The following ZBTB46 variants were observed in gnomAD, a reference collection of about 807,000 sequenced individuals.
The protein encoded by ZBTB46 is zinc finger and BTB domain-containing protein 46.
ZBTB46 carries 8 observed loss-of-function variants against 44.1 expected under a neutral mutation model. The ratio of observed to expected loss-of-function variants is 0.18; its 90% confidence interval spans 0.11 to 0.33. ZBTB46 has a LOEUF of 0.33. ZBTB46 is among the 10% of genes least tolerant of loss of function. The pLI is 1.00. For synonymous variants in ZBTB46, 409 were observed against 382.3 expected (o/e 1.07, Z -0.81); for missense variants, 651 against 847.7 (o/e 0.77, Z 2.88).
chr20:63,753,206 C>G (rs1050270242), intron 3 of ZBTB46, among the ~76,000 whole-genome samples: 1 of 152,206 alleles, frequency 6.6e-6, no homozygotes, highest in African/African-American at 2.4e-5. Context: ...CTCCTTCCAG[C>G]CCTCAGACCC....
rs2092697864 is a variant in ZBTB46 at position 63,808,654 on chromosome 20, G to A, written c.-33-17864C>T. Among the ~76,000 whole-genome samples the A allele has an allele frequency of 2.6e-5, 4 of 152,268 alleles. No homozygotes were observed. In the South Asian group the frequency reaches 6.2e-4, roughly 24 times the overall value. On this transcript the variant is annotated intron_variant, in intron 1 of 4. Transcript: ENST00000245663. ...GAAGGCCCTCCTCGGTCCAGCGCTC[G>A]GCCAGGACAGGCGCCAAGGCCGCCT...
At chr20:63,765,269 C>A (rs1165021843) in intron 3 of ZBTB46, among the ~76,000 whole-genome samples, 2 of 152,124 alleles carry the variant, frequency 1.3e-5, no homozygotes, top group African/African-American at 4.8e-5. Flanking sequence ...TCTATCTGTA[C>A]ACTGCCGTCC....
At chr20:63,802,019 G>T (rs1247511964) in intron 1 of ZBTB46, among the ~76,000 whole-genome samples, 3 of 152,116 alleles carry the variant, frequency 2.0e-5, no homozygotes, top group Admixed American at 6.6e-5. Flanking sequence ...TTTGTTACGG[G>T]TTGAACCCCC....
chr20:63,761,737 G>A (rs6010644), intron 3 of ZBTB46, among the ~76,000 whole-genome samples: 76,591 of 149,632 alleles, frequency 0.51, 20,506 homozygotes, highest in African/African-American at 0.65. Flanking sequence ...AGCAGACATC[G>A]CACCACTGCA....
chr20:63,797,730 G>C (rs560418645), intron 1 of ZBTB46, among the ~76,000 whole-genome samples: 6 of 152,190 alleles, frequency 3.9e-5, no homozygotes, highest in Non-Finnish European at 7.3e-5. Flanking sequence ...TTGTGGTTTT[G>C]ATTTGCATTT....
chr20:63,819,903 G>A (rs928586515), intron 1 of ZBTB46, among the ~76,000 whole-genome samples: 4 of 152,116 alleles, frequency 2.6e-5, no homozygotes, highest in East Asian at 1.9e-4. Context: ...AAAACACTCC[G>A]AAGTACAGAA....
intron 4 of ZBTB46, among the ~76,000 whole-genome samples, chr20:63,748,880 T>C (rs1040251555): frequency 4.6e-5 from 7 of 152,364 alleles, no homozygotes; most frequent in Admixed American, 2.0e-4. Context: ...ATGTGTGTCA[T>C]GGCGGAAGAC....
chr20:63,824,710 CT>C (rs2092811099), intron 1 of ZBTB46, among the ~76,000 whole-genome samples: 1 of 115,756 alleles, frequency 8.6e-6, no homozygotes, highest in African/African-American at 3.2e-5. Flanking sequence ...CCTCCCCCAT[CT>C]TCCCATCACT....
In ZBTB46 at chr20:63,767,773, G is replaced by A. The variant is rs1431503932; in HGVS notation, c.1222+7905C>T. 3.2e-6 allele frequency: 2 copies of A among 634,166 alleles called. No homozygotes were observed. The highest frequency in any genetic ancestry group is 2.0e-5 in the African/African-American group (1 of 50,422). The allele number at this position is 634,166 out of a possible 1,614,324, so 39.3% of individuals were successfully genotyped here. A position where few individuals can be genotyped will look rare whatever the true frequency, so the allele number is the denominator to read the frequency against. On this transcript the variant is annotated intron_variant, in intron 3 of 4. Coordinates refer to ENST00000245663, the MANE Select transcript of ZBTB46 (RefSeq NM_001369741.1). The surrounding 1 kb of genome is among the most constrained non-coding windows in gnomAD (Gnocchi z 5.0). Reference sequence around the variant, plus strand: ...TGTCAGCGCCCAAGGAGCTCCAGGCGAGGCCAAGCCGTCCTGGCACTGGCT... The same window carrying A: ...TGTCAGCGCCCAAGGAGCTCCAGGCAAGGCCAAGCCGTCCTGGCACTGGCT...
intron 1 of ZBTB46, among the ~76,000 whole-genome samples, chr20:63,811,539 G>A (rs1032602989): frequency 1.1e-4 from 16 of 152,288 alleles, no homozygotes; most frequent in African/African-American, 3.1e-4. Context: ...CATAGGCAAC[G>A]CAGAGAGCAG....
At chr20:63,821,327 T>C (rs1399631020) in intron 1 of ZBTB46, among the ~76,000 whole-genome samples, 2 of 151,378 alleles carry the variant, frequency 1.3e-5, no homozygotes, top group Non-Finnish European at 1.5e-5. Context: ...ACTATTATTA[T>C]TTTTTATTTT....
At position 63,775,970 on chromosome 20, in the gene ZBTB46, C is replaced by A; in HGVS notation, c.938-8G>T. 6.5e-7 allele frequency: 1 copy of A among 1,540,300 alleles called. No homozygotes were observed. The highest frequency in any genetic ancestry group is 1.2e-5 in the South Asian group (1 of 82,066). On this transcript the variant is annotated splice_polypyrimidine_tract_variant and splice_region_variant and intron_variant, in intron 2 of 4. Transcript: ENST00000245663. ...TGACGGACAGGTCCGCATCTGGGGA[C>A]AGAGGGACACACGTCAGAAGACACG...
intron 3 of ZBTB46, among the ~76,000 whole-genome samples, chr20:63,764,881 G>T (rs895131938): frequency 1.3e-5 from 2 of 151,864 alleles, no homozygotes; most frequent in African/African-American, 2.4e-5. Flanking sequence ...TTACAGGTGT[G>T]AGCCACTGCA....
At chr20:63,763,231 G>A (rs1209712231) in intron 3 of ZBTB46, among the ~76,000 whole-genome samples, 2 of 152,312 alleles carry the variant, frequency 1.3e-5, no homozygotes, top group Admixed American at 6.5e-5. Flanking sequence ...TGTGGCTGGT[G>A]TAAGGCTATC....
Position 63,745,607 on chromosome 20 carries a change from A to G in ZBTB46, c.*1323T>C, listed in dbSNP as rs2092080894. On this transcript the variant is annotated 3_prime_UTR_variant, in exon 5 of 5. Transcript: ENST00000245663. Reference sequence around the variant, plus strand: ...GAGGAGGCCACCGCGCCCACCTCCCATCTGAAGGCACAGCACCGCAGTGGT... The same window carrying G: ...GAGGAGGCCACCGCGCCCACCTCCCGTCTGAAGGCACAGCACCGCAGTGGT... 6.6e-6 allele frequency: 1 copy of G among 152,362 alleles called. No homozygotes were observed. Among genetic ancestry groups the G allele is most frequent in the African/African-American group, 2.4e-5 (1 of 41,480 alleles). 9.4% of individuals were successfully genotyped at this position (152,362 alleles called of 1,614,324 possible). A position where few individuals can be genotyped will look rare whatever the true frequency, so the allele number is the denominator to read the frequency against.
intron 1 of ZBTB46, among the ~76,000 whole-genome samples, chr20:63,802,189 G>A (rs1341436301): frequency 1.3e-5 from 2 of 152,196 alleles, no homozygotes; most frequent in East Asian, 3.8e-4. Flanking sequence ...TTGGGAGGCA[G>A]AGGCAGGCAG....
intron 1 of ZBTB46, among the ~76,000 whole-genome samples, chr20:63,804,104 A>G (rs2092666618): frequency 6.6e-6 from 1 of 150,950 alleles, no homozygotes; most frequent in Non-Finnish European, 1.5e-5. Flanking sequence ...CCCAGCCACC[A>G]GGGTCTCGGT....
intron 1 of ZBTB46, among the ~76,000 whole-genome samples, chr20:63,830,013 G>A (rs1322729470): frequency 1.3e-5 from 2 of 152,242 alleles, no homozygotes; most frequent in East Asian, 1.9e-4. Context: ...TCTTGCCACC[G>A]TAATCCACTC....
In ZBTB46 at chr20:63,775,843, G is replaced by A; in HGVS notation, c.1057C>T (p.Leu353Phe). The A allele has an allele frequency of 6.2e-7, 1 of 1,613,486 alleles. No homozygotes were observed. The stretch of plus-strand genomic sequence containing the variant: ...AGGGCGTCGTCCTTCTCTGGGGTGA[G>A]GGGAGGGCCCAGATAGCTGGCTTCT... ...GGEASYLGPPLTPEKDDALHQ... is the reference protein window; with the variant it reads ...GGEASYLGPPFTPEKDDALHQ... Residue 353 changes from leucine to phenylalanine, a missense_variant, in exon 3 of 5, where the codon CTC (leucine) becomes TTC (phenylalanine). By Grantham distance (22) the Leu-to-Phe change is conservative. This residue lies in a region of ZBTB46 where 385 missense variants were observed against 423.3 expected (regional missense o/e 0.91). Coordinates refer to ENST00000245663, the MANE Select transcript of ZBTB46 (RefSeq NM_001369741.1).
Sources: gnomAD v4.1 joint callset for allele counts (sites outside exome capture counted in the v4.1 genomes callset) on GRCh38, gnomAD v4.1.1 for gene constraint, gnomAD v4.1.1 regional missense constraint, Gnocchi (gnomAD v3.1) non-coding constraint, MANE v1.5 for transcripts, NCBI Gene and HGNC (gene_info 2026-07-23, HGNC 2026-07-21) for gene names.